The following PARD3 variants were observed in gnomAD, a reference collection of about 807,000 sequenced individuals.
PARD3 encodes partitioning defective 3 homolog.
PARD3 carries 75 observed loss-of-function variants against 155.4 expected under a neutral mutation model. That is an observed-to-expected ratio of 0.48 (90% CI 0.40 to 0.58). The LOEUF (loss-of-function observed/expected upper bound fraction) is 0.58. Ranked by LOEUF, PARD3 falls within the 20% of genes least tolerant of loss-of-function variation. The pLI, the probability that PARD3 is intolerant of heterozygous loss-of-function variation, is 0.00. For synonymous variants in PARD3, 576 were observed against 610.5 expected (o/e 0.94, Z 0.83); for missense variants, 1,642 against 1,721.7 (o/e 0.95, Z 0.82).
intron 19 of PARD3, among the ~76,000 whole-genome samples, chr10:34,328,709 T>C (rs1564591033): frequency 1.3e-5 from 2 of 152,168 alleles, no homozygotes; most frequent in Admixed American, 1.3e-4. Flanking sequence ...GCTCAAGCAG[T>C]TGAAGTTTTG....
intron 22 of PARD3, among the ~76,000 whole-genome samples, chr10:34,179,294 A>G (rs1323034764): frequency 6.6e-6 from 1 of 152,182 alleles, no homozygotes; most frequent in African/African-American, 2.4e-5. Flanking sequence ...CTGGAAGGAT[A>G]GCCCTCCAGT....
chr10:34,336,051 T>G (rs1487337798), intron 18 of PARD3, 148 bp downstream of exon 18: 1 of 565,870 alleles, frequency 1.8e-6, no homozygotes, highest in Non-Finnish European at 3.1e-6. Flanking sequence ...ATATTTCTTT[T>G]CTTATGTAAT....
intron 2 of PARD3, among the ~76,000 whole-genome samples, chr10:34,601,840 A>T (rs2089808081): frequency 6.6e-6 from 1 of 152,184 alleles, no homozygotes; most frequent in Non-Finnish European, 1.5e-5. Context: ...TGTGCTTAAA[A>T]TTTTCAGCTA....
Position 34,341,821 on chromosome 10 carries a change from C to A in PARD3, c.2219-5G>T, listed in dbSNP as rs1228208683. On this transcript the variant is annotated splice_region_variant and splice_polypyrimidine_tract_variant and intron_variant, in intron 15 of 24. Coordinates refer to ENST00000374788, the MANE Select transcript of PARD3 (RefSeq NM_001184785.2). ...TAGGGGACAGCTGGTATTTACCTGTCCAGTGAAAAAAGAAGAAGAGAAAAT... is the reference window on the plus strand; with the variant it reads ...TAGGGGACAGCTGGTATTTACCTGTACAGTGAAAAAAGAAGAAGAGAAAAT... The A allele has an allele frequency of 6.4e-6, 10 of 1,563,622 alleles. No homozygotes were observed. The highest frequency in any genetic ancestry group is 2.3e-5 in the East Asian group (1 of 43,906).
chr10:34,715,066 C>G (rs2094500063), intron 1 of PARD3, among the ~76,000 whole-genome samples: 1 of 148,066 alleles, frequency 6.8e-6, no homozygotes, highest in African/African-American at 2.5e-5. Flanking sequence ...GCCACCACAC[C>G]TAGCCTAACC....
chr10:34,316,457 AT>A (rs1958009916), intron 20 of PARD3, among the ~76,000 whole-genome samples: 1 of 152,248 alleles, frequency 6.6e-6, no homozygotes, highest in Non-Finnish European at 1.5e-5. Context: ...CAGAGACCAC[AT>A]TTAATGAAAT....
chr10:34,711,415 G>T (rs2094447423), intron 1 of PARD3, among the ~76,000 whole-genome samples: 1 of 152,128 alleles, frequency 6.6e-6, no homozygotes, highest in African/African-American at 2.4e-5. Context: ...CAGCTACTCG[G>T]GAGGCTGAGG....
At chr10:34,495,184 A>T (rs1362495481) in intron 3 of PARD3, among the ~76,000 whole-genome samples, 1 of 151,300 alleles carries the variant, frequency 6.6e-6, no homozygotes, top group Admixed American at 6.6e-5. Context: ...AAAAAAAAAC[A>T]AACAAAAACC....
intron 23 of PARD3, among the ~76,000 whole-genome samples, chr10:34,128,982 G>A (rs1157082471): frequency 6.6e-6 from 1 of 152,154 alleles, no homozygotes; most frequent in Non-Finnish European, 1.5e-5. Flanking sequence ...GATGCTAAAG[G>A]TGCTGTTCTG....
At chr10:34,605,604 A>C (rs1452556993) in intron 2 of PARD3, among the ~76,000 whole-genome samples, 2 of 72,808 alleles carry the variant, frequency 2.7e-5, no homozygotes, top group East Asian at 3.0e-4. Flanking sequence ...ATATATATAT[A>C]TCTCCTATAT....
chr10:34,526,277 G>T (rs911222797), intron 2 of PARD3, among the ~76,000 whole-genome samples: 10 of 151,934 alleles, frequency 6.6e-5, no homozygotes, highest in Non-Finnish European at 1.3e-4. Context: ...GCAACTGGGG[G>T]TGAAATACTT....
At chr10:34,420,708 C>A (rs1279555481) in intron 5 of PARD3, among the ~76,000 whole-genome samples, 1 of 152,160 alleles carries the variant, frequency 6.6e-6, no homozygotes, top group Non-Finnish European at 1.5e-5. Flanking sequence ...ACATCACTTG[C>A]ATGCACAAAT....
At chr10:34,321,491 T>G (rs573575769) in intron 19 of PARD3, among the ~76,000 whole-genome samples, 1 of 152,218 alleles carries the variant, frequency 6.6e-6, no homozygotes, top group Non-Finnish European at 1.5e-5. Context: ...AATAGAAATT[T>G]CCATTTTTGA....
intron 2 of PARD3, among the ~76,000 whole-genome samples, chr10:34,674,811 C>G (rs572641437): frequency 9.9e-5 from 15 of 152,226 alleles, no homozygotes; most frequent in Non-Finnish European, 2.2e-4. Context: ...CTTTCCTGAG[C>G]AAAGCCAAGA....
intron 22 of PARD3, among the ~76,000 whole-genome samples, chr10:34,175,935 C>T (rs1052201778): frequency 6.6e-6 from 1 of 152,188 alleles, no homozygotes. Context: ...TCCCTTCTTA[C>T]TGAATTGAGA....
chr10:34,768,465 A>G (rs1449648253), intron 1 of PARD3, among the ~76,000 whole-genome samples: 1 of 148,760 alleles, frequency 6.7e-6, no homozygotes, highest in Non-Finnish European at 1.5e-5. Context: ...GATAAAAGAT[A>G]AGAGACAAAT....
At chr10:34,606,640 A>C (rs1291883757) in intron 2 of PARD3, among the ~76,000 whole-genome samples, 1 of 5,890 alleles carries the variant, frequency 1.7e-4, no homozygotes, top group South Asian at 6.3e-3. Context: ...CGTGTCTTCA[A>C]AAAAAAAAAA....
chr10:34,307,404 T>C (rs11009724), intron 20 of PARD3, among the ~76,000 whole-genome samples: 19,418 of 152,082 alleles, frequency 0.13, 1,385 homozygotes, highest in African/African-American at 0.19. Flanking sequence ...AGGCAAACTC[T>C]GGGAGCAGGG....
chr10:34,463,547 T>C (rs1564742320), intron 4 of PARD3, among the ~76,000 whole-genome samples: 1 of 152,240 alleles, frequency 6.6e-6, no homozygotes, highest in Non-Finnish European at 1.5e-5. Flanking sequence ...AAATGAGTTG[T>C]AGGACTTTTA....
Sources: allele counts gnomAD v4.1 joint callset (sites outside exome capture counted in the v4.1 genomes callset), GRCh38; gene constraint gnomAD v4.1.1; transcripts MANE v1.5; gene names NCBI Gene and HGNC (gene_info 2026-07-23, HGNC 2026-07-21).